GRK3: variants seen among roughly 807,000 people sequenced by gnomAD.
GRK3 encodes G protein-coupled receptor kinase 3, also known as adrenergic, beta, receptor kinase 2.
A neutral mutation model predicts 95.7 loss-of-function variants in GRK3; 54 were observed. That is an observed-to-expected ratio of 0.56 (90% CI 0.45 to 0.71). The LOEUF (loss-of-function observed/expected upper bound fraction) is 0.71. Among genes scored for constraint, GRK3 ranks in the 30% least tolerant of loss-of-function variants. GRK3 has a pLI of 0.00. For missense variants in GRK3, 649 were observed against 851.2 expected, an observed-to-expected ratio of 0.76 and a Z score of 2.96; for synonymous variants, 281 against 290.8, an observed-to-expected ratio of 0.97 and a Z score of 0.34.
intron 2 of GRK3, among the ~76,000 whole-genome samples, chr22:25,620,877 T>C (rs2084579941): frequency 6.6e-6 from 1 of 152,152 alleles, no homozygotes; most frequent in Admixed American, 6.5e-5. Context: ...GACATATCAG[T>C]AAGAGGGGGC....
At chr22:25,662,904 G>T (rs547995875) in intron 4 of GRK3, among the ~76,000 whole-genome samples, 1 of 152,202 alleles carries the variant, frequency 6.6e-6, no homozygotes, top group Non-Finnish European at 1.5e-5. Flanking sequence ...ATTTTTATCA[G>T]TGGGAGCTCC....
At chr22:25,615,473 A>T (rs1395815828) in intron 2 of GRK3, among the ~76,000 whole-genome samples, 1 of 152,160 alleles carries the variant, frequency 6.6e-6, no homozygotes, top group African/African-American at 2.4e-5. Context: ...TGATGGTTTT[A>T]CACCTTGTCT....
intron 2 of GRK3, among the ~76,000 whole-genome samples, chr22:25,633,634 A>G (rs1467886326): frequency 6.6e-6 from 1 of 152,168 alleles, no homozygotes; most frequent in Non-Finnish European, 1.5e-5. Flanking sequence ...AAATATCAAT[A>G]TGGAATGTGT....
intron 8 of GRK3, among the ~76,000 whole-genome samples, chr22:25,677,181 T>G (rs1302163379): frequency 3.9e-5 from 6 of 152,028 alleles, no homozygotes; most frequent in Admixed American, 3.3e-4. Flanking sequence ...GACAACATAA[T>G]GAGACTCTCA....
At chr22:25,703,597 ATTC>A in intron 14 of GRK3, 21 bp downstream of exon 14, 1 of 1,561,528 alleles carries the variant, frequency 6.4e-7, no homozygotes, top group Non-Finnish European at 8.8e-7. Context: ...TCAAAACTGT[ATTC>A]TTGTCTGTAT....
chr22:25,705,165 A>G (rs1290702235), intron 15 of GRK3, among the ~76,000 whole-genome samples: 2 of 152,184 alleles, frequency 1.3e-5, no homozygotes, highest in Non-Finnish European at 2.9e-5. Flanking sequence ...TTCCTGCTAT[A>G]ATAGATGAAG....
chr22:25,724,532 G>C lies in GRK3; in HGVS notation c.*2082G>C, dbSNP rs1258331533. 1 of 152,104 alleles carries C rather than the reference G, an allele frequency of 6.6e-6. No homozygotes were observed. The highest frequency in any genetic ancestry group is 1.5e-5 in the Non-Finnish European group (1 of 68,006). 9.4% of individuals were successfully genotyped at this position (152,104 alleles called of 1,614,324 possible). A position where few individuals can be genotyped will look rare whatever the true frequency, so the allele number is the denominator to read the frequency against. On this transcript the variant is annotated 3_prime_UTR_variant, in exon 21 of 21. Coordinates refer to ENST00000324198, the MANE Select transcript of GRK3 (RefSeq NM_005160.4). ...CCCTTTTAGAAAAGATATATGAATT[G>C]GAAAATGCTCTGAAAGTCCTTTTGC...
intron 2 of GRK3, among the ~76,000 whole-genome samples, chr22:25,632,728 G>T (rs1238493693): frequency 2.0e-5 from 3 of 152,126 alleles, no homozygotes; most frequent in Admixed American, 2.0e-4. Context: ...GTTCAATGTT[G>T]CAGCACCATT....
In GRK3 at chr22:25,684,368, A is replaced by G. The variant is rs1273236766; in HGVS notation, c.748-802A>G. ...ACATTTACATATATTTTAGAATCCA[A>G]CTTGTCAATTTTCATTTCAATTAAG... On this transcript the variant is annotated intron_variant, in intron 9 of 20. Transcript: ENST00000324198. Among the ~76,000 whole-genome samples the G allele has an allele frequency of 2.0e-5, 3 of 152,208 alleles. No individual in the cohort carries two copies. In the South Asian group the frequency reaches 6.2e-4, roughly 32 times the overall value.
chr22:25,593,739 C>G (rs1396357284), intron 1 of GRK3, among the ~76,000 whole-genome samples: 2 of 151,904 alleles, frequency 1.3e-5, no homozygotes, highest in African/African-American at 2.4e-5. Context: ...TTTGCAGTTG[C>G]TTTTGAGGAC....
At chr22:25,618,292 C>T (rs181993761) in intron 2 of GRK3, among the ~76,000 whole-genome samples, 63 of 152,278 alleles carry the variant, frequency 4.1e-4, no homozygotes, top group Middle Eastern at 3.4e-3. Flanking sequence ...ACACACATTA[C>T]GTTTGCGATG....
chr22:25,647,361 C>T, intron 3 of GRK3: 1 of 1,293,614 alleles, frequency 7.7e-7, no homozygotes. Context: ...GGGAGCAGAA[C>T]CCACTGCAGT....
Position 25,672,345 on chromosome 22 carries a change from C to A in GRK3, c.553C>A (p.His185Asn). Residue 185 changes from histidine (H) to asparagine (N), a missense_variant and splice_region_variant, in exon 7 of 21, where the codon CAT (histidine) becomes AAT (asparagine). This residue lies in a region of GRK3 where 206 missense variants were observed against 231.4 expected (regional missense o/e 0.89). Transcript: ENST00000324198. ...GTGGAAAAACGTTGAATTAAATATC[C>A]ATGTGAGTATCATCTTTTTCTTTTT... ...CQWKNVELNI[H>N]LTMNEFSVHR... 6.9e-7 allele frequency: 1 copy of A among 1,449,142 alleles called. No individual in the cohort carries two copies. The highest frequency in any genetic ancestry group is 2.3e-5 in the East Asian group (1 of 43,230). The allele number at this position is 1,449,142 out of a possible 1,614,324, so 89.8% of individuals were successfully genotyped here.
intron 2 of GRK3, among the ~76,000 whole-genome samples, chr22:25,608,281 A>G (rs1156847465): frequency 1.3e-5 from 2 of 152,182 alleles, no homozygotes; most frequent in African/African-American, 4.8e-5. Flanking sequence ...GAGTTTTCTA[A>G]ATACAAGATT....
At chr22:25,588,803 T>C (rs2146325815) in intron 1 of GRK3, among the ~76,000 whole-genome samples, 1 of 151,712 alleles carries the variant, frequency 6.6e-6, no homozygotes, top group Middle Eastern at 3.4e-3. Context: ...GAGACAAGGT[T>C]TGTCGCCCAG....
chr22:25,678,795 T>A, intron 8 of GRK3, 21 bp from the exon 9 acceptor site: 1 of 1,422,144 alleles, frequency 7.0e-7, no homozygotes, highest in Non-Finnish European at 9.8e-7. Context: ...CATAGATTTT[T>A]CAATAAATTT....
intron 15 of GRK3, among the ~76,000 whole-genome samples, chr22:25,705,292 C>T (rs2085291292): frequency 1.3e-5 from 2 of 152,160 alleles, no homozygotes; most frequent in Admixed American, 1.3e-4. Context: ...CCATGCTTAA[C>T]CCGGTCTTGC....
At chr22:25,684,353 A>G (rs2085097311) in intron 9 of GRK3, among the ~76,000 whole-genome samples, 4 of 152,216 alleles carry the variant, frequency 2.6e-5, no homozygotes. Flanking sequence ...ACATTTACAT[A>G]TATTTTAGAA....
chr22:25,630,948 G>C lies in GRK3; in HGVS notation c.191-13644G>C, dbSNP rs143754970. Among the ~76,000 whole-genome samples, 253 of 152,262 alleles carry C rather than the reference G, an allele frequency of 1.7e-3. 4 individuals carry two copies. In the East Asian group the frequency reaches 0.02, roughly 12 times the overall value. On this transcript the variant is annotated intron_variant, in intron 2 of 20. Transcript: ENST00000324198. ...CTCCTGTAAAGTTTTAAGTCAAGAA[G>C]TAAAAGTTCCAGTTTGAAATGTAGA...
Sources: gnomAD v4.1 joint callset for allele counts (sites outside exome capture counted in the v4.1 genomes callset) on GRCh38, gnomAD v4.1.1 for gene constraint, gnomAD v4.1.1 regional missense constraint, MANE v1.5 for transcripts, NCBI Gene and HGNC (gene_info 2026-07-23, HGNC 2026-07-21) for gene names.